The following GJA1 variants were observed in gnomAD, a reference collection of about 807,000 sequenced individuals.
The protein encoded by GJA1 is gap junction alpha-1 protein.
GJA1 carries 9 observed loss-of-function variants against 31.0 expected under a neutral mutation model. The observed-to-expected ratio is 0.29, with a 90% CI of 0.17 to 0.51. The LOEUF is 0.51. GJA1 is among the 20% of genes least tolerant of loss of function. The probability of loss-of-function intolerance (pLI) is 0.98; values close to 1 mark genes in which losing one functional copy is unlikely to be tolerated. For missense variants in GJA1, 278 were observed against 468.8 expected (o/e 0.59, Z 3.76); for synonymous variants, 186 against 180.1 (o/e 1.03, Z -0.26).
chr6:121,436,196 G>T, intron 1 of GJA1, among the ~76,000 whole-genome samples: 1 of 114,620 alleles, frequency 8.7e-6, no homozygotes, highest in Non-Finnish European at 1.8e-5. Flanking sequence ...GGGGGGGGGC[G>T]GTTAGGCGCC....
intron 1 of GJA1, among the ~76,000 whole-genome samples, chr6:121,437,428 GA>G (rs2114269391): frequency 6.8e-6 from 1 of 148,092 alleles, no homozygotes; most frequent in East Asian, 2.0e-4. Context: ...AAGAAAACCT[GA>G]ATACCTTGGG....
intron 1 of GJA1, among the ~76,000 whole-genome samples, chr6:121,445,339 G>A (rs1773869574): frequency 6.6e-6 from 1 of 152,146 alleles, no homozygotes; most frequent in Non-Finnish European, 1.5e-5. Flanking sequence ...TAGAGACGGG[G>A]TTTCACCATG....
intron 1 of GJA1, among the ~76,000 whole-genome samples, chr6:121,437,669 A>G (rs73532221): frequency 0.02 from 3,007 of 152,152 alleles, 96 homozygotes; most frequent in African/African-American, 0.07. Context: ...GGTTTCTGAT[A>G]ACGCTCATCG....
rs559636710 is a variant in GJA1 at position 121,447,313 on chromosome 6, A to G, written c.466A>G (p.Ile156Val). ...GCGAGGGGGGTTGCTGCGAACCTACATCATCAGTATCCTCTTCAAGTCTAT... is the reference window on the plus strand; with the variant it reads ...GCGAGGGGGGTTGCTGCGAACCTACGTCATCAGTATCCTCTTCAAGTCTAT... ...KMRGGLLRTY[I>V]ISILFKSIFE... Residue 156 changes from isoleucine (I) to valine (V), a missense_variant, in exon 2 of 2, where the codon ATC becomes GTC. By Grantham distance (29) the Ile-to-Val change is conservative. This residue lies in a region of GJA1 where 80 missense variants were observed against 163.5 expected (regional missense o/e 0.49). Transcript: ENST00000282561. 16 of 1,614,028 alleles carry G rather than the reference A, an allele frequency of 9.9e-6. No individual in the cohort carries two copies. In the East Asian group the frequency reaches 2.0e-4, roughly 20 times the overall value.
chr6:121,447,223 C>A lies in GJA1; in HGVS notation c.376C>A (p.His126Asn), dbSNP rs577579283. ...AQTDGVNVDM[H>N]LKQIEIKKFK... ...AACTGATGGTGTCAATGTGGACATGCACTTGAAGCAGATTGAGATAAAGAA... is the reference window on the plus strand; with the variant it reads ...AACTGATGGTGTCAATGTGGACATGAACTTGAAGCAGATTGAGATAAAGAA... The change falls in exon 2 of 2, where the codon CAC becomes AAC. Residue 126 changes from histidine (H) to asparagine (N), a missense_variant. Physicochemically the swap from His to Asn is moderately conservative, Grantham distance 68. Coordinates refer to ENST00000282561, the MANE Select transcript of GJA1 (RefSeq NM_000165.5). The A allele has an allele frequency of 1.2e-6, 2 of 1,614,042 alleles. No individual in the cohort carries two copies. Among genetic ancestry groups the A allele is most frequent in the African/African-American group, 2.7e-5 (2 of 75,028 alleles).
chr6:121,446,624 G>T (rs1773893655), intron 1 of GJA1, among the ~76,000 whole-genome samples: 1 of 152,208 alleles, frequency 6.6e-6, no homozygotes, highest in Non-Finnish European at 1.5e-5. Context: ...GACTTACTTT[G>T]TCTCAACAAA....
Position 121,446,952 on chromosome 6 carries a change from G to C in GJA1, c.105G>C (p.Leu35=), listed in dbSNP as rs147811981. 16 of 1,614,128 alleles carry C rather than the reference G, an allele frequency of 9.9e-6. No individual in the cohort carries two copies. Among genetic ancestry groups the C allele is most frequent in the Non-Finnish European group, 1.4e-5 (16 of 1,179,978 alleles). ...WLSVLFIFRI[L]LLGTAVESAW... Reference sequence around the variant, plus strand: ...CAGTACTTTTCATTTTCCGAATCCTGCTGCTGGGGACAGCGGTTGAGTCAG... The same window carrying C: ...CAGTACTTTTCATTTTCCGAATCCTCCTGCTGGGGACAGCGGTTGAGTCAG... Residue 35 remains leucine, a synonymous_variant, in exon 2 of 2, where the codon CTG becomes CTC. Coordinates refer to ENST00000282561, the MANE Select transcript of GJA1 (RefSeq NM_000165.5).
chr6:121,441,984 GAC>G lies in GJA1; in HGVS notation c.-16-4840_-16-4839del, dbSNP rs570609445. Among the ~76,000 whole-genome samples the G allele has an allele frequency of 6.4e-3, 977 of 152,254 alleles. 5 individuals carry two copies. Among genetic ancestry groups the G allele is most frequent in the Non-Finnish European group, 9.3e-3 (632 of 68,024 alleles). On this transcript the variant is annotated intron_variant, in intron 1 of 1. Coordinates refer to ENST00000282561, the MANE Select transcript of GJA1 (RefSeq NM_000165.5). ...AATATTTTTGGGTGTTAGTACATTA[GAC>G]ACACACATGATTTCCCTTTCCTCCC... is the stretch of plus-strand genomic sequence containing the variant.
At chr6:121,445,311 A>G (rs1485208229) in intron 1 of GJA1, among the ~76,000 whole-genome samples, 4 of 151,980 alleles carry the variant, frequency 2.6e-5, no homozygotes, top group Non-Finnish European at 4.4e-5. Flanking sequence ...ACACCTGGCT[A>G]ATTTCTTGTA....
rs1362032951 is a variant in GJA1, at chr6:121,448,285, G to C, written c.*289G>C. On this transcript the variant is annotated 3_prime_UTR_variant, in exon 2 of 2. Coordinates refer to ENST00000282561, the MANE Select transcript of GJA1 (RefSeq NM_000165.5). ...TCCATTAGGTGATACATAGATAAGG[G>C]CTTTTTCTCCCCGCAAACACCCCTA... 2.1e-6 allele frequency: 1 copy of C among 467,342 alleles called. No individual in the cohort carries two copies. Among genetic ancestry groups the C allele is most frequent in the Non-Finnish European group, 4.1e-6 (1 of 245,978 alleles). 28.9% of individuals were successfully genotyped at this position (467,342 alleles called of 1,614,324 possible). A position where few individuals can be genotyped will look rare whatever the true frequency, so the allele number is the denominator to read the frequency against.
chr6:121,440,942 G>GTTGTTGTTGTTT (rs1198097063), intron 1 of GJA1, among the ~76,000 whole-genome samples: 3 of 137,154 alleles, frequency 2.2e-5, no homozygotes, highest in African/African-American at 9.4e-5. Context: ...TGTTGTTGTT[G>GTTGTTGTTGTTT]TTTGTCGTTT....
chr6:121,441,119 A>AT (rs1028343886), intron 1 of GJA1, among the ~76,000 whole-genome samples: 23 of 151,550 alleles, frequency 1.5e-4, no homozygotes, highest in South Asian at 2.1e-4. Flanking sequence ...ATTTTTTTGT[A>AT]TTTTTTTTAT....
intron 1 of GJA1, among the ~76,000 whole-genome samples, chr6:121,445,055 CCT>C (rs1405133611): frequency 6.6e-6 from 1 of 152,192 alleles, no homozygotes; most frequent in African/African-American, 2.4e-5. Context: ...ACCCTGAGAA[CCT>C]CTGAGAACCT....
At chr6:121,438,343 C>T (rs1409595710) in intron 1 of GJA1, among the ~76,000 whole-genome samples, 1 of 152,216 alleles carries the variant, frequency 6.6e-6, no homozygotes, top group Admixed American at 6.5e-5. Flanking sequence ...GTGATACCAA[C>T]AATGCTGTCA....
chr6:121,437,189 C>T (rs933549184), intron 1 of GJA1, among the ~76,000 whole-genome samples: 10 of 152,132 alleles, frequency 6.6e-5, no homozygotes, highest in Non-Finnish European at 5.9e-5. Flanking sequence ...CCCCCAAATC[C>T]TCACAAGTCA....
Position 121,447,621 on chromosome 6 carries a change from A to G in GJA1, c.774A>G (p.Lys258=), listed in dbSNP as rs758166001. ...CCAGTGGTGCGCTGAGCCCTGCCAA[A>G]GACTGTGGGTCTCAAAAATATGCTT... The part of the protein sequence containing the change: ...HATSGALSPA[K]DCGSQKYAYF... The change falls in exon 2 of 2, where the codon AAA becomes AAG. Residue 258 remains lysine (K), a synonymous_variant. Transcript: ENST00000282561. The G allele has an allele frequency of 1.6e-5, 26 of 1,614,034 alleles. No individual in the cohort carries two copies. The highest frequency in any genetic ancestry group is 2.2e-5 in the Non-Finnish European group (26 of 1,179,996).
At chr6:121,441,491 TAC>T (rs1773780643) in intron 1 of GJA1, among the ~76,000 whole-genome samples, 2 of 152,060 alleles carry the variant, frequency 1.3e-5, no homozygotes, top group Admixed American at 1.3e-4. Context: ...TGGAAGGAGG[TAC>T]ATAGTAATCA....
rs749135596 is a variant in GJA1 at position 121,446,976 on chromosome 6, A to G, written c.129A>G (p.Ser43=). The G allele has an allele frequency of 1.2e-6, 2 of 1,614,170 alleles. No homozygotes were observed. Among genetic ancestry groups the G allele is most frequent in the South Asian group, 1.1e-5 (1 of 91,082 alleles). Reference sequence around the variant, plus strand: ...TGCTGCTGGGGACAGCGGTTGAGTCAGCCTGGGGAGATGAGCAGTCTGCCT... The same window carrying G: ...TGCTGCTGGGGACAGCGGTTGAGTCGGCCTGGGGAGATGAGCAGTCTGCCT... ...RILLLGTAVE[S]AWGDEQSAFR... The change falls in exon 2 of 2, where the codon TCA becomes TCG. Residue 43 remains serine (S), a synonymous_variant. Transcript: ENST00000282561.
At position 121,446,993 on chromosome 6, in the gene GJA1, A is replaced by T; in HGVS notation, c.146A>T (p.Gln49Leu). 1 of 1,614,166 alleles carries T rather than the reference A, an allele frequency of 6.2e-7. No homozygotes were observed. The highest frequency in any genetic ancestry group is 8.5e-7 in the Non-Finnish European group (1 of 1,180,004). ...TAVESAWGDE[Q>L]SAFRCNTQQP... is the part of the protein sequence containing the mutation. ...GTTGAGTCAGCCTGGGGAGATGAGC[A>T]GTCTGCCTTTCGTTGTAACACTCAG... Residue 49 changes from glutamine to leucine, a missense_variant, in exon 2 of 2, where the codon CAG becomes CTG. Gln to Leu is a moderately radical substitution (Grantham distance 113). Coordinates refer to ENST00000282561, the MANE Select transcript of GJA1 (RefSeq NM_000165.5).
Sources: allele counts gnomAD v4.1 joint callset (sites outside exome capture counted in the v4.1 genomes callset), GRCh38; gene constraint gnomAD v4.1.1; regional missense constraint gnomAD v4.1.1; transcripts MANE v1.5; gene names NCBI Gene and HGNC (gene_info 2026-07-23, HGNC 2026-07-21).